Variants in EVC observed in about 807,000 individuals in gnomAD.
EVC encodes the protein EvC ciliary complex subunit 1, also known as evC complex member EVC.
EVC carries 116 observed loss-of-function variants against 118.9 expected under a neutral mutation model. The observed-to-expected ratio is 0.98, with a 90% CI of 0.84 to 1.14. The LOEUF is 1.14. EVC is among the 50% of genes most tolerant of loss of function. EVC has a pLI of 0.00. For missense variants in EVC, 1,401 were observed against 1,246.4 expected (o/e 1.12, Z -1.87); for synonymous variants, 619 against 534.7 (o/e 1.16, Z -2.18).
rs80058454 is a variant in EVC at position 5,712,329 on chromosome 4, A to G, written c.174+775A>G. On this transcript the variant is annotated intron_variant, in intron 1 of 20. Transcript: ENST00000264956. ...GCACAGAGAGGTTAAGCAACTTACT[A>G]AAGTGACAGAAGTGTCTAACCCCAA... is the stretch of plus-strand genomic sequence containing the variant. Among the ~76,000 whole-genome samples, 944 of 152,328 alleles carry G rather than the reference A, an allele frequency of 6.2e-3. 9 individuals carry two copies. The highest frequency in any genetic ancestry group is 0.022 in the African/African-American group (895 of 41,574).
chr4:5,804,871 G>A, intron 17 of EVC, 30 bp downstream of exon 17: 2 of 1,567,060 alleles, frequency 1.3e-6, no homozygotes, highest in Non-Finnish European at 1.8e-6. Context: ...CCCACGTAGG[G>A]CTGTTCTCTA....
At chr4:5,775,651 T>C (rs562933484) in intron 11 of EVC, among the ~76,000 whole-genome samples, 10 of 152,336 alleles carry the variant, frequency 6.6e-5, no homozygotes, top group African/African-American at 2.2e-4. Context: ...TTCTGTTGTA[T>C]AAATACACTG....
rs883995 is a variant in EVC at position 5,755,307 on chromosome 4, C to T, written c.1465-957C>T. 0.26 allele frequency among the ~76,000 whole-genome samples: 40,244 copies of T among 152,068 alleles called. 5,780 individuals carry two copies. Among genetic ancestry groups the T allele is most frequent in the African/African-American group, 0.37 (15,473 of 41,448 alleles). ...ACCTTGGTGTCCCAGGGCCTCGGTA[C>T]AGTCCTCGGAACGCCTCAGCGCTGG... On this transcript the variant is annotated intron_variant, in intron 10 of 20. Coordinates refer to ENST00000264956, the MANE Select transcript of EVC (RefSeq NM_153717.3). The surrounding 1 kb of genome is among the most constrained non-coding windows in gnomAD (Gnocchi z 4.1).
chr4:5,730,902 C>T (rs1357604815), intron 3 of EVC, among the ~76,000 whole-genome samples: 1 of 123,584 alleles, frequency 8.1e-6, no homozygotes, highest in Admixed American at 8.0e-5. Context: ...CTGTGACCTC[C>T]TGTGGGCGTG....
intron 5 of EVC, among the ~76,000 whole-genome samples, chr4:5,734,823 C>G (rs1214781778): frequency 6.6e-6 from 1 of 152,190 alleles, no homozygotes; most frequent in Non-Finnish European, 1.5e-5. Flanking sequence ...TATCCCCAGC[C>G]CCATGGAGGT....
intron 1 of EVC, among the ~76,000 whole-genome samples, chr4:5,716,999 C>T (rs10804968): frequency 0.83 from 126,293 of 152,066 alleles, 52,752 homozygotes; most frequent in African/African-American, 0.92. Context: ...ATCCACGGTG[C>T]CAGGCATTTG....
At chr4:5,824,363 G>A in the EVC span, 255 of 985,368 alleles carry the variant, frequency 2.6e-4, no homozygotes, top group African/African-American at 3.9e-3. Flanking sequence ...AAGTCTTATG[G>A]AGAGTGAGAT....
downstream of EVC, among the ~76,000 whole-genome samples, chr4:5,815,012 C>T (rs1158893373): frequency 1.3e-5 from 2 of 152,152 alleles, no homozygotes; most frequent in Non-Finnish European, 2.9e-5. Flanking sequence ...CCCACATAAA[C>T]AATCCCACTA....
chr4:5,733,862 C>T (rs937419971), intron 5 of EVC, among the ~76,000 whole-genome samples: 5 of 152,108 alleles, frequency 3.3e-5, no homozygotes, highest in Admixed American at 6.6e-5. Flanking sequence ...CCCAGAGGGG[C>T]GGGTGTCATT....
intron 1 of EVC, among the ~76,000 whole-genome samples, chr4:5,712,865 G>A (rs938852120): frequency 3.9e-5 from 6 of 152,186 alleles, no homozygotes; most frequent in Admixed American, 6.5e-5. Context: ...GGTGTCCTGT[G>A]CAATGTTTAT....
chr4:5,826,451 G>GGGGAGGACACCTCCACACCAGCCTGC, the EVC span: 2,023 of 152,640 alleles, frequency 0.013, 23 homozygotes, highest in South Asian at 0.038. Context: ...GGGATGCTGT[G>GGGGAGGACACCTCCACACCAGCCTGC]GGGAGGACAC....
chr4:5,722,450 T>C (rs1725114069), intron 2 of EVC, among the ~76,000 whole-genome samples: 1 of 152,178 alleles, frequency 6.6e-6, no homozygotes, highest in Non-Finnish European at 1.5e-5. Flanking sequence ...CTTGTCAAAA[T>C]ATGTGGTCAG....
In EVC at chr4:5,756,322, A is replaced by G. The variant is rs370721640; in HGVS notation, c.1523A>G (p.Glu508Gly). Residue 508 changes from glutamate to glycine, a missense_variant, in exon 11 of 21, where the codon GAG (glutamate) becomes GGG (glycine). Coordinates refer to ENST00000264956, the MANE Select transcript of EVC (RefSeq NM_153717.3). This position sits in a 1 kb window ranked among gnomAD's most constrained non-coding sequence, Gnocchi z 4.2. ...ATGCAGTGTGACCTGGAGGAAGAGG[A>G]GAATGTCAGAGCCACCGAGGCTGTG... ...RLMQCDLEEEENVRATEAVVA... is the reference protein window; with the variant it reads ...RLMQCDLEEEGNVRATEAVVA... 216 of 1,612,320 alleles carry G rather than the reference A, an allele frequency of 1.3e-4. No individual in the cohort carries two copies. The highest frequency in any genetic ancestry group is 1.7e-4 in the Non-Finnish European group (200 of 1,179,634).
rs780000441 is a variant in EVC at position 5,801,974 on chromosome 4, G to A, written c.2329G>A (p.Glu777Lys). ...FKRTLMEAAV[E>K]SVYVTSAGVS... ...GAGGACACTGATGGAGGCGGCAGTG[G>A]AGAGCGTCTACGTGACCAGCGCTGG... The change falls in exon 16 of 21, where the codon GAG becomes AAG. Residue 777 changes from glutamate to lysine, a missense_variant. Physicochemically the swap from Glu to Lys is moderately conservative, Grantham distance 56. Coordinates refer to ENST00000264956, the MANE Select transcript of EVC (RefSeq NM_153717.3). The A allele has an allele frequency of 6.2e-7, 1 of 1,613,896 alleles. No individual in the cohort carries two copies. The highest frequency in any genetic ancestry group is 8.5e-7 in the Non-Finnish European group (1 of 1,180,014).
At chr4:5,801,758 G>C (rs1560433437) in intron 15 of EVC, 192 bp from the exon 16 acceptor site, 1 of 616,024 alleles carries the variant, frequency 1.6e-6, no homozygotes, top group Non-Finnish European at 2.9e-6. Flanking sequence ...AGACATCCCT[G>C]ACCTAAGAAG....
In EVC at chr4:5,773,628, G is replaced by C. The variant is rs575480398; in HGVS notation, c.1564-9924G>C. ...TGGGAGGCGGTGCGCTGAGCTGCCG[G>C]GGTGTTTTGTGGGATCCCCCATAGT... On this transcript the variant is annotated intron_variant, in intron 11 of 20. Coordinates refer to ENST00000264956, the MANE Select transcript of EVC (RefSeq NM_153717.3). Among the ~76,000 whole-genome samples the C allele has an allele frequency of 1.2e-3, 190 of 152,224 alleles. 1 individual carries two copies. Among genetic ancestry groups the C allele is most frequent in the African/African-American group, 4.4e-3 (183 of 41,498 alleles).
At chr4:5,794,230 T>A (rs1323496239) in intron 13 of EVC, among the ~76,000 whole-genome samples, 28 of 81,368 alleles carry the variant, frequency 3.4e-4, no homozygotes, top group East Asian at 8.2e-4. Flanking sequence ...GAGAAAAATA[T>A]ATATATATTT....
At chr4:5,786,793 A>G (rs897282198) in intron 12 of EVC, among the ~76,000 whole-genome samples, 9 of 150,016 alleles carry the variant, frequency 6.0e-5, no homozygotes, top group Non-Finnish European at 1.3e-4. Context: ...AATGGCGTGA[A>G]CCCGGGAGGC....
chr4:5,819,799 C>G, the EVC span, among the ~76,000 whole-genome samples: 3 of 150,856 alleles, frequency 2.0e-5, no homozygotes, highest in South Asian at 6.2e-4. Context: ...TCCAAAAATC[C>G]TTACCATCCA....
Sources: gnomAD v4.1 joint callset for allele counts (sites outside exome capture counted in the v4.1 genomes callset) on GRCh38, gnomAD v4.1.1 for gene constraint, Gnocchi (gnomAD v3.1) non-coding constraint, MANE v1.5 for transcripts, NCBI Gene and HGNC (gene_info 2026-07-23, HGNC 2026-07-21) for gene names.